Variants in CEP112 observed in about 807,000 individuals in gnomAD.
CEP112 encodes the protein centrosomal protein of 112 kDa.
CEP112 carries 127 observed loss-of-function variants against 153.0 expected under a neutral mutation model. The observed-to-expected ratio is 0.83, with a 90% CI of 0.72 to 0.96. The LOEUF (loss-of-function observed/expected upper bound fraction) is 0.96. Ranked by LOEUF, CEP112 falls within the 40% of genes least tolerant of loss-of-function variation. CEP112 has a pLI of 0.00. For synonymous variants in CEP112, 358 were observed against 374.4 expected, an observed-to-expected ratio of 0.96 and a Z score of 0.51; for missense variants, 1,089 against 1,101.2, an observed-to-expected ratio of 0.99 and a Z score of 0.16.
intron 20 of CEP112, among the ~76,000 whole-genome samples, chr17:65,866,206 A>T (rs964866906): frequency 2.0e-5 from 3 of 152,114 alleles, no homozygotes; most frequent in African/African-American, 7.2e-5. Context: ...TGCTCCCGGC[A>T]CCCACTCCAA....
chr17:65,731,806 T>C (rs994997275), intron 23 of CEP112, among the ~76,000 whole-genome samples: 11 of 152,206 alleles, frequency 7.2e-5, no homozygotes, highest in South Asian at 6.2e-4. Context: ...TGCTCACCCA[T>C]AAGAAGCAAC....
At chr17:65,873,248 T>TC (rs750318391) in intron 20 of CEP112, 13 of 152,206 alleles carry the variant, frequency 8.5e-5, no homozygotes, top group South Asian at 4.1e-4. Flanking sequence ...TTTGTTACCC[T>TC]CCATCTCTGA....
At chr17:65,713,364 A>C (rs527531329) in intron 23 of CEP112, among the ~76,000 whole-genome samples, 24 of 152,328 alleles carry the variant, frequency 1.6e-4, no homozygotes, top group African/African-American at 5.3e-4. Flanking sequence ...TTTGGAAACA[A>C]AAACATAATA....
chr17:65,891,843 T>A (rs2059478861), intron 20 of CEP112, among the ~76,000 whole-genome samples: 1 of 152,194 alleles, frequency 6.6e-6, no homozygotes, highest in Non-Finnish European at 1.5e-5. Context: ...CTGCACCAAT[T>A]GTTGCCTCAG....
intron 24 of CEP112, among the ~76,000 whole-genome samples, chr17:65,686,209 C>T (rs1266952297): frequency 6.8e-6 from 1 of 146,708 alleles, no homozygotes; most frequent in Non-Finnish European, 1.5e-5. Flanking sequence ...TTCAGCTTTA[C>T]CCATGGGTAT....
At chr17:65,908,626 GGA>G (rs2060170835) in intron 19 of CEP112, among the ~76,000 whole-genome samples, 1 of 151,940 alleles carries the variant, frequency 6.6e-6, no homozygotes, top group Non-Finnish European at 1.5e-5. Context: ...CCCGGGAGGT[GGA>G]GGTTGCGGTG....
chr17:65,970,381 GCATATATATTACATGCATGCACA>G (rs1568313637), intron 17 of CEP112, among the ~76,000 whole-genome samples: 116 of 62,796 alleles, frequency 1.8e-3, no homozygotes, highest in Admixed American at 4.5e-3. Context: ...CACACATCAT[GCATATATATTACATGCATGCACA>G]CATCATGCAT....
intron 8 of CEP112, among the ~76,000 whole-genome samples, chr17:66,080,292 GGAA>G (rs1282414012): frequency 4.0e-5 from 6 of 151,774 alleles, no homozygotes; most frequent in Admixed American, 6.6e-5. Flanking sequence ...GAATCTACAA[GGAA>G]CAACTTTACA....
intron 18 of CEP112, among the ~76,000 whole-genome samples, chr17:65,929,899 T>C (rs1177288518): frequency 2.6e-5 from 4 of 152,218 alleles, no homozygotes; most frequent in African/African-American, 9.6e-5. Context: ...ACTTTGTCCA[T>C]GTTATGATCA....
At chr17:65,916,915 C>T (rs144063535) in intron 19 of CEP112, among the ~76,000 whole-genome samples, 3 of 152,068 alleles carry the variant, frequency 2.0e-5, no homozygotes, top group African/African-American at 7.2e-5. Flanking sequence ...GAGAACAGCT[C>T]CAGGCCAAAA....
At chr17:65,698,019 T>C (rs531278064) in intron 23 of CEP112, among the ~76,000 whole-genome samples, 1 of 152,264 alleles carries the variant, frequency 6.6e-6, no homozygotes, top group East Asian at 1.9e-4. Flanking sequence ...GCAACACTTA[T>C]TTTTTGTTCA....
At chr17:65,909,758 C>A (rs2060216346) in intron 19 of CEP112, among the ~76,000 whole-genome samples, 1 of 152,088 alleles carries the variant, frequency 6.6e-6, no homozygotes, top group Non-Finnish European at 1.5e-5. Flanking sequence ...CCACAAATTT[C>A]AAAACAAGGT....
intron 20 of CEP112, among the ~76,000 whole-genome samples, chr17:65,880,451 G>A (rs560766698): frequency 6.6e-6 from 1 of 152,250 alleles, no homozygotes; most frequent in South Asian, 2.1e-4. Flanking sequence ...AAAAATGGGG[G>A]GGGCTATCTT....
intron 21 of CEP112, among the ~76,000 whole-genome samples, chr17:65,803,669 C>T (rs952900671): frequency 6.6e-6 from 1 of 152,150 alleles, no homozygotes; most frequent in Non-Finnish European, 1.5e-5. Context: ...GTTCTTTACT[C>T]CCTCCCAATA....
chr17:66,090,298 A>C (rs940877237), intron 8 of CEP112, among the ~76,000 whole-genome samples: 3 of 152,052 alleles, frequency 2.0e-5, no homozygotes, highest in African/African-American at 7.2e-5. Flanking sequence ...GTCTAATAAT[A>C]TAATGTTGTG....
At chr17:66,134,653 C>T (rs890158461) in intron 4 of CEP112, among the ~76,000 whole-genome samples, 4 of 152,078 alleles carry the variant, frequency 2.6e-5, no homozygotes, top group Non-Finnish European at 5.9e-5. Flanking sequence ...GCCTGGGCAA[C>T]ATGCGACAAA....
Position 66,010,714 on chromosome 17 carries a change from A to C in CEP112, c.1657-4945T>G, listed in dbSNP as rs116555091. Among the ~76,000 whole-genome samples the C allele has an allele frequency of 1.4e-3, 207 of 152,288 alleles. 1 individual carries two copies. The highest frequency in any genetic ancestry group is 4.0e-3 in the African/African-American group (167 of 41,556). ...AGCCTTTTCTGCAGCTATTGAGATG[A>C]TCCTGTGGGTTTTGTCTTTAGTTCT... On this transcript the variant is annotated intron_variant, in intron 16 of 26. Coordinates refer to ENST00000535342, the MANE Select transcript of CEP112 (RefSeq NM_001199165.4).
intron 16 of CEP112, among the ~76,000 whole-genome samples, chr17:66,008,531 G>C (rs1363140929): frequency 6.6e-6 from 1 of 151,944 alleles, no homozygotes; most frequent in Non-Finnish European, 1.5e-5. Context: ...TATTTTTTTA[G>C]AATCAGGGTC....
intron 21 of CEP112, among the ~76,000 whole-genome samples, chr17:65,839,244 A>G (rs182733572): frequency 6.6e-6 from 1 of 152,252 alleles, no homozygotes; most frequent in East Asian, 1.9e-4. Context: ...ATGAACATAG[A>G]TGTAAAAATC....
Sources: allele counts gnomAD v4.1 joint callset (sites outside exome capture counted in the v4.1 genomes callset), GRCh38; gene constraint gnomAD v4.1.1; transcripts MANE v1.5; gene names NCBI Gene and HGNC (gene_info 2026-07-23, HGNC 2026-07-21).